Variants in DPP6 observed in about 807,000 individuals in gnomAD.
DPP6 encodes A-type potassium channel modulatory protein DPP6.
DPP6 carries 69 observed loss-of-function variants against 122.6 expected under a neutral mutation model. The observed-to-expected ratio is 0.56, with a 90% CI of 0.46 to 0.69. The LOEUF is 0.69. Among genes scored for constraint, DPP6 ranks in the 30% least tolerant of loss-of-function variants. The pLI, the probability that DPP6 is intolerant of heterozygous loss-of-function variation, is 0.00. For synonymous variants in DPP6, 418 were observed against 433.1 expected (o/e 0.97, Z 0.43); for missense variants, 928 against 1,116.9 (o/e 0.83, Z 2.41).
At chr7:154,253,682 A>G (rs1489715847) in intron 1 of DPP6, among the ~76,000 whole-genome samples, 1 of 152,240 alleles carries the variant, frequency 6.6e-6, no homozygotes, top group Non-Finnish European at 1.5e-5. Context: ...AATGATGATA[A>G]TGATAATGTG....
Position 154,222,665 on chromosome 7 carries a change from T to C in DPP6, c.243+169602T>C, listed in dbSNP as rs1484659348. Among the ~76,000 whole-genome samples, 7 of 148,668 alleles carry C rather than the reference T, an allele frequency of 4.7e-5. 1 individual carries two copies. Among genetic ancestry groups the C allele is most frequent in the African/African-American group, 7.7e-5 (3 of 38,846 alleles). The stretch of plus-strand genomic sequence containing the variant: ...AGTGAAACTCTGTCTCAAAAATAAA[T>C]AAAATAAAATAAAATAAATTAAATA... On this transcript the variant is annotated intron_variant, in intron 1 of 25. Coordinates refer to ENST00000377770, the MANE Select transcript of DPP6 (RefSeq NM_130797.4).
rs115331848 is a variant in DPP6, at chr7:154,759,446, G to A, written c.884-9971G>A. On this transcript the variant is annotated intron_variant, in intron 8 of 25. Coordinates refer to ENST00000377770, the MANE Select transcript of DPP6 (RefSeq NM_130797.4). Reference sequence around the variant, plus strand: ...GTCTCTTGTGCCTAAAGCACAAGGGGCAGCGGCAATAGGACGGAAGGGGAC... The same window carrying A: ...GTCTCTTGTGCCTAAAGCACAAGGGACAGCGGCAATAGGACGGAAGGGGAC... Among the ~76,000 whole-genome samples the A allele has an allele frequency of 9.5e-3, 1,446 of 152,344 alleles. 14 individuals are homozygous for A. The highest frequency in any genetic ancestry group is 0.032 in the African/African-American group (1,348 of 41,592).
intron 3 of DPP6, among the ~76,000 whole-genome samples, chr7:154,476,276 G>A (rs1189045670): frequency 1.3e-5 from 2 of 152,198 alleles, no homozygotes; most frequent in African/African-American, 4.8e-5. Context: ...AGTATATCAT[G>A]AATACCAAGG....
chr7:154,603,830 C>A (rs949059237), intron 5 of DPP6, among the ~76,000 whole-genome samples: 1 of 116,984 alleles, frequency 8.5e-6, no homozygotes, highest in African/African-American at 2.7e-5. Context: ...CAAAAAATGC[C>A]CAACTAATCT....
rs542513694 is a variant in DPP6 at position 154,214,026 on chromosome 7, C to G, written c.243+160963C>G. On this transcript the variant is annotated intron_variant, in intron 1 of 25. Coordinates refer to ENST00000377770, the MANE Select transcript of DPP6 (RefSeq NM_130797.4). ...CTTTTCCAGCAACGACATCATGCCT[C>G]TAAGTAGCAGTTCTTAGGAAACATG... 7.9e-5 allele frequency among the ~76,000 whole-genome samples: 12 copies of G among 152,312 alleles called. No individual in the cohort carries two copies. The South Asian group carries it at 2.3e-3, about 29-fold the overall frequency.
intron 10 of DPP6, among the ~76,000 whole-genome samples, chr7:154,773,740 T>G (rs1025473127): frequency 6.6e-6 from 1 of 152,334 alleles, no homozygotes; most frequent in South Asian, 2.1e-4. Flanking sequence ...ACCCATATTT[T>G]GCTATACCTC....
chr7:154,245,335 C>T (rs1801903834), intron 1 of DPP6, among the ~76,000 whole-genome samples: 1 of 151,718 alleles, frequency 6.6e-6, no homozygotes, highest in South Asian at 2.1e-4. Flanking sequence ...AAACAGTAAG[C>T]ATAAAAAAGC....
chr7:153,865,433 G>A, the DPP6 span, among the ~76,000 whole-genome samples: 1 of 152,096 alleles, frequency 6.6e-6, no homozygotes, highest in Non-Finnish European at 1.5e-5. Flanking sequence ...GTGAATAAAA[G>A]GGGCTCTAGT....
chr7:154,417,947 T>G (rs907011044), intron 1 of DPP6, among the ~76,000 whole-genome samples: 16 of 152,234 alleles, frequency 1.1e-4, no homozygotes, highest in African/African-American at 3.9e-4. Context: ...TCAAAATCAT[T>G]TGTGTCTCTC....
chr7:154,127,678 A>AC (rs777341459), intron 1 of DPP6, among the ~76,000 whole-genome samples: 8,326 of 130,112 alleles, frequency 0.064, 267 homozygotes, highest in Middle Eastern at 0.16. Flanking sequence ...CACACACACA[A>AC]AACAGCTCTT....
intron 7 of DPP6, among the ~76,000 whole-genome samples, chr7:154,684,478 G>A (rs1211690943): frequency 6.6e-6 from 1 of 152,166 alleles, no homozygotes; most frequent in Non-Finnish European, 1.5e-5. Flanking sequence ...TACCCAAGAT[G>A]AAAATCAATT....
At chr7:153,933,996 G>A (rs1268366461) in intron 1 of DPP6, among the ~76,000 whole-genome samples, 1 of 152,250 alleles carries the variant, frequency 6.6e-6, no homozygotes, top group African/African-American at 2.4e-5. Context: ...GCAGAGTTCA[G>A]TTGTGAGGGA....
At chr7:154,449,989 AC>A (rs1443667557) in intron 2 of DPP6, among the ~76,000 whole-genome samples, 1 of 151,038 alleles carries the variant, frequency 6.6e-6, no homozygotes, top group Non-Finnish European at 1.5e-5. Context: ...AGCCTGGGTG[AC>A]AGAGCTAGAC....
chr7:153,868,501 C>A, the DPP6 span, among the ~76,000 whole-genome samples: 16 of 152,134 alleles, frequency 1.1e-4, no homozygotes, highest in Admixed American at 1.0e-3. Flanking sequence ...GGTGATATAA[C>A]CTTTGTCATT....
At chr7:154,063,596 C>T (rs77160176) in intron 1 of DPP6, among the ~76,000 whole-genome samples, 3,232 of 75,540 alleles carry the variant, frequency 0.043, 379 homozygotes, top group East Asian at 0.14. Context: ...GTACCCCCAT[C>T]GCAGTGAGGG....
chr7:154,705,222 A>C (rs555379767), intron 7 of DPP6, among the ~76,000 whole-genome samples: 1 of 152,350 alleles, frequency 6.6e-6, no homozygotes, highest in Non-Finnish European at 1.5e-5. Context: ...CAAAATGTCA[A>C]GTTAAACTAG....
intron 1 of DPP6, among the ~76,000 whole-genome samples, chr7:154,155,702 G>A (rs1327197427): frequency 6.6e-6 from 1 of 152,164 alleles, no homozygotes; most frequent in African/African-American, 2.4e-5. Context: ...CCATTTATAT[G>A]CCAGGAACCT....
At chr7:154,352,989 A>G (rs1360131533) in intron 1 of DPP6, among the ~76,000 whole-genome samples, 2 of 152,256 alleles carry the variant, frequency 1.3e-5, no homozygotes, top group Non-Finnish European at 2.9e-5. Flanking sequence ...GATATAAACT[A>G]CAAGTATATC....
chr7:154,193,708 T>C (rs1177524519), intron 1 of DPP6, among the ~76,000 whole-genome samples: 3 of 152,132 alleles, frequency 2.0e-5, no homozygotes, highest in African/African-American at 7.2e-5. Context: ...TTTGGAAGCC[T>C]GGGTGACAGG....
Sources: gnomAD v4.1 joint callset for allele counts (sites outside exome capture counted in the v4.1 genomes callset) on GRCh38, gnomAD v4.1.1 for gene constraint, MANE v1.5 for transcripts, NCBI Gene and HGNC (gene_info 2026-07-23, HGNC 2026-07-21) for gene names.